P4HA1: variants seen among roughly 807,000 people sequenced by gnomAD.
P4HA1 encodes the protein prolyl 4-hydroxylase subunit alpha 1, also known as prolyl 4-hydroxylase subunit alpha-1.
In P4HA1, 24 loss-of-function variants were observed where a neutral mutation model predicts 72.8. That is an observed-to-expected ratio of 0.33 (90% confidence interval 0.24 to 0.46). The LOEUF (loss-of-function observed/expected upper bound fraction) is 0.46. P4HA1 is among the 20% of genes least tolerant of loss of function. The probability of loss-of-function intolerance (pLI) is 1.00; values close to 1 mark genes in which losing one functional copy is unlikely to be tolerated. For synonymous variants in P4HA1, 201 were observed against 218.8 expected (o/e 0.92, Z 0.72); for missense variants, 446 against 640.6 (o/e 0.70, Z 3.28).
In P4HA1 at chr10:73,008,110, GA is replaced by G; in HGVS notation, c.*111del. The stretch of plus-strand genomic sequence containing the variant: ...GAAACATGGGATGAGGTTCATGACT[GA>G]ATCAATCATGGAGTGTTAGTCAATT... On this transcript the variant is annotated 3_prime_UTR_variant, in exon 15 of 15. Transcript: ENST00000394890. 1.6e-6 allele frequency: 1 copy of G among 631,514 alleles called. No individual in the cohort carries two copies. The highest frequency in any genetic ancestry group is 2.9e-6 in the Non-Finnish European group (1 of 349,094). The allele number at this position is 631,514 out of a possible 1,614,324, so 39.1% of individuals were successfully genotyped here. A position where few individuals can be genotyped will look rare whatever the true frequency, so the allele number is the denominator to read the frequency against.
intron 10 of P4HA1, among the ~76,000 whole-genome samples, chr10:73,018,300 C>A (rs1003292370): frequency 2.0e-5 from 3 of 152,196 alleles, no homozygotes; most frequent in Non-Finnish European, 4.4e-5. Context: ...AATTGTTGCA[C>A]TGGCCAAGCT....
At position 73,047,121 on chromosome 10, in the gene P4HA1, T is replaced by C; in HGVS notation, c.901-20A>G. 1 of 1,517,608 alleles carries C rather than the reference T, an allele frequency of 6.6e-7. No homozygotes were observed. The highest frequency in any genetic ancestry group is 9.1e-7 in the Non-Finnish European group (1 of 1,094,348). 94.0% of individuals were successfully genotyped at this position (1,517,608 alleles called of 1,614,324 possible). On this transcript the variant is annotated intron_variant, in intron 7 of 14. Coordinates refer to ENST00000394890, the MANE Select transcript of P4HA1 (RefSeq NM_001017962.3). Reference sequence around the variant, plus strand: ...AGGGGTCTAAACATAAAGTTAAGAATATGATGAATATATTACAGTAATAAT... The same window carrying C: ...AGGGGTCTAAACATAAAGTTAAGAACATGATGAATATATTACAGTAATAAT...
At chr10:73,009,504 C>T in intron 14 of P4HA1, 1 of 231,986 alleles carries the variant, frequency 4.3e-6, no homozygotes, top group East Asian at 8.7e-5. Context: ...ATATGTACTA[C>T]ATTATAATCC....
At chr10:73,072,340 G>A (rs561322061) in intron 3 of P4HA1, among the ~76,000 whole-genome samples, 160 bp from the exon 4 acceptor site, 5 of 152,260 alleles carry the variant, frequency 3.3e-5, no homozygotes, top group Admixed American at 1.3e-4. Context: ...TCTTTAAAAA[G>A]CGACATCCTC....
intron 10 of P4HA1, among the ~76,000 whole-genome samples, chr10:73,019,048 A>C (rs4366408): frequency 0.019 from 2,884 of 151,402 alleles, 84 homozygotes; most frequent in African/African-American, 0.061. Flanking sequence ...GCCACCAAGA[A>C]GACTCCCACT....
At chr10:73,015,462 G>A (rs980706549) in intron 11 of P4HA1, among the ~76,000 whole-genome samples, 2 of 152,140 alleles carry the variant, frequency 1.3e-5, no homozygotes, top group Non-Finnish European at 2.9e-5. Context: ...CATGACACAA[G>A]TGGAAAATTC....
intron 14 of P4HA1, among the ~76,000 whole-genome samples, chr10:73,009,001 C>G (rs556120635): frequency 1.3e-5 from 2 of 152,140 alleles, no homozygotes; most frequent in Non-Finnish European, 2.9e-5. Flanking sequence ...TTCACTGATG[C>G]TTTAATCCAG....
intron 9 of P4HA1, among the ~76,000 whole-genome samples, chr10:73,037,899 T>C (rs978284644): frequency 6.6e-6 from 1 of 152,042 alleles, no homozygotes; most frequent in African/African-American, 2.4e-5. Context: ...TATTATACTT[T>C]AATACTAATT....
intron 1 of P4HA1, among the ~76,000 whole-genome samples, chr10:73,095,114 C>T (rs781709183): frequency 1.3e-5 from 2 of 151,188 alleles, no homozygotes; most frequent in Non-Finnish European, 2.9e-5. Context: ...GTCCCAAAAC[C>T]AAAACTGACT....
At chr10:73,032,778 G>A (rs917790936) in intron 9 of P4HA1, among the ~76,000 whole-genome samples, 1 of 152,200 alleles carries the variant, frequency 6.6e-6, no homozygotes, top group African/African-American at 2.4e-5. Context: ...GCGAGCAAGC[G>A]TAAGAGAGAG....
chr10:73,072,650 AAGAC>A (rs1173229789), intron 3 of P4HA1, among the ~76,000 whole-genome samples: 3 of 152,226 alleles, frequency 2.0e-5, no homozygotes, highest in African/African-American at 4.8e-5. Flanking sequence ...CATTAAATAA[AAGAC>A]AGGAATTCTC....
rs549694076 is a variant in P4HA1, at chr10:73,090,007, ATTT to A, written c.-33+6756_-33+6758del. 2.7e-3 allele frequency among the ~76,000 whole-genome samples: 414 copies of A among 152,090 alleles called. 3 individuals carry two copies. Among genetic ancestry groups the A allele is most frequent in the African/African-American group, 9.6e-3 (398 of 41,472 alleles). ...ACACAACACCACACCTGGCTTTTTA[ATTT>A]TTTTGTAGAGACAGGGTTTTACCAT... On this transcript the variant is annotated intron_variant, in intron 1 of 14. Transcript: ENST00000394890.
At chr10:73,090,976 G>T (rs1281847003) in intron 1 of P4HA1, among the ~76,000 whole-genome samples, 3 of 147,802 alleles carry the variant, frequency 2.0e-5, no homozygotes, top group African/African-American at 7.6e-5. Context: ...GCAGAGAATT[G>T]CTTGAACCCA....
At chr10:73,018,047 T>G (rs754562534) in intron 10 of P4HA1, among the ~76,000 whole-genome samples, 1 of 152,122 alleles carries the variant, frequency 6.6e-6, no homozygotes, top group African/African-American at 2.4e-5. Context: ...GAAGGCCTAC[T>G]TGAAGGCCTG....
intron 10 of P4HA1, among the ~76,000 whole-genome samples, chr10:73,026,389 A>C (rs1840269063): frequency 6.6e-6 from 1 of 152,236 alleles, no homozygotes; most frequent in Admixed American, 6.5e-5. Flanking sequence ...GTGCTGGGAA[A>C]ACTGGCTAGC....
chr10:73,094,744 G>T (rs1312099128), intron 1 of P4HA1, among the ~76,000 whole-genome samples: 1 of 152,256 alleles, frequency 6.6e-6, no homozygotes, highest in Non-Finnish European at 1.5e-5. Flanking sequence ...AATAGAAAAG[G>T]TTAACAGCTC....
At chr10:73,032,833 T>G (rs1264447042) in intron 9 of P4HA1, among the ~76,000 whole-genome samples, 1 of 152,032 alleles carries the variant, frequency 6.6e-6, no homozygotes, top group South Asian at 2.1e-4. Flanking sequence ...GAGAAAGACA[T>G]GGAGAAGAAA....
chr10:73,051,525 T>A (rs1564629242), intron 6 of P4HA1, among the ~76,000 whole-genome samples: 1 of 152,150 alleles, frequency 6.6e-6, no homozygotes, highest in Non-Finnish European at 1.5e-5. Flanking sequence ...TTTGGGAGAC[T>A]GAGGTGGGTG....
chr10:73,028,719 G>A (rs1367602444), intron 10 of P4HA1, among the ~76,000 whole-genome samples: 1 of 150,338 alleles, frequency 6.7e-6, no homozygotes, highest in Non-Finnish European at 1.5e-5. Context: ...ACAGGCATGA[G>A]CCACCAGACC....
Sources: gnomAD v4.1 joint callset for allele counts (sites outside exome capture counted in the v4.1 genomes callset) on GRCh38, gnomAD v4.1.1 for gene constraint, MANE v1.5 for transcripts, NCBI Gene and HGNC (gene_info 2026-07-23, HGNC 2026-07-21) for gene names.